The following ELFN1 variants were observed in gnomAD, a reference collection of about 807,000 sequenced individuals.
The protein encoded by ELFN1 is protein ELFN1.
Under a neutral mutation model 7.6 loss-of-function variants are expected in ELFN1, and 6 were observed. The observed-to-expected ratio is 0.79, with a 90% CI of 0.43 to 1.56. The LOEUF (loss-of-function observed/expected upper bound fraction) is 1.56. Ranked by LOEUF, ELFN1 falls within the 40% of genes most tolerant of loss-of-function variation. The pLI, the probability that ELFN1 is intolerant of heterozygous loss-of-function variation, is 0.01. For synonymous variants in ELFN1, 657 were observed against 588.1 expected (o/e 1.12, Z -1.70); for missense variants, 1,169 against 1,232.2 (o/e 0.95, Z 0.77).
At chr7:1,679,876 G>C (rs1204919258) in intron 1 of ELFN1, among the ~76,000 whole-genome samples, 2 of 152,204 alleles carry the variant, frequency 1.3e-5, no homozygotes, top group Non-Finnish European at 2.9e-5. Flanking sequence ...CCTTTGCCTT[G>C]TCCTGTCCAC....
At chr7:1,682,470 T>C (rs1462329187) in intron 1 of ELFN1, among the ~76,000 whole-genome samples, 1 of 152,174 alleles carries the variant, frequency 6.6e-6, no homozygotes, top group East Asian at 1.9e-4. Context: ...AGACAGGGTC[T>C]TACTCTGTTT....
At chr7:1,717,898 G>A (rs1244685976) in intron 3 of ELFN1, among the ~76,000 whole-genome samples, 1 of 152,266 alleles carries the variant, frequency 6.6e-6, no homozygotes, top group East Asian at 1.9e-4. Context: ...ATTGTGCCAG[G>A]CCCCCTCCCT....
chr7:1,693,218 C>T (rs1250233585), intron 2 of ELFN1: 2 of 402,972 alleles, frequency 5.0e-6, no homozygotes, highest in African/African-American at 2.0e-5. Context: ...TGGAGATGTT[C>T]ATGGCCGCGT....
rs935653302 is a variant in ELFN1, at chr7:1,745,004, C to T, written c.408C>T (p.Tyr136=). The change falls in exon 4 of 4, where the codon TAC becomes TAT. Residue 136 remains tyrosine, a synonymous_variant. Transcript: ENST00000424383. ...TGCGCGGCCTGGGCAAGCTGGAGTA[C>T]CTGTACCTGCAGGCCAACCTCATCG... is the stretch of plus-strand genomic sequence containing the variant. The part of the protein sequence containing the change: ...GMLRGLGKLE[Y]LYLQANLIEV... 1.3e-5 allele frequency: 20 copies of T among 1,551,012 alleles called. No homozygotes were observed. The African/African-American group carries it at 2.7e-4, about 21-fold the overall frequency.
intron 3 of ELFN1, among the ~76,000 whole-genome samples, chr7:1,736,686 C>T (rs1780457272): frequency 1.3e-5 from 2 of 152,178 alleles, no homozygotes; most frequent in East Asian, 1.9e-4. Context: ...AGGCGCCGCA[C>T]ACAATCCCAA....
At chr7:1,742,363 C>G (rs1780648966) in intron 3 of ELFN1, 1 of 152,318 alleles carries the variant, frequency 6.6e-6, no homozygotes, top group Non-Finnish European at 1.5e-5. Flanking sequence ...TGCCCTTGGC[C>G]CGCCCCCGGC....
intron 2 of ELFN1, among the ~76,000 whole-genome samples, chr7:1,690,973 C>A (rs1269110868): frequency 1.3e-5 from 2 of 152,100 alleles, no homozygotes; most frequent in Non-Finnish European, 2.9e-5. Context: ...CATACAGAGA[C>A]CTACAGGGAC....
chr7:1,692,620 A>G (rs1176208963), intron 2 of ELFN1, among the ~76,000 whole-genome samples: 1 of 152,260 alleles, frequency 6.6e-6, no homozygotes, highest in African/African-American at 2.4e-5. Flanking sequence ...CAGAGGCATA[A>G]ACAGGGCATA....
rs561896394 is a variant in ELFN1, at chr7:1,695,702, C to T, written c.-456+7552C>T. ...GGTGGAGGTTGCAGTGAGCCGAGAT[C>T]GCGCCACTGCACTGCAGCCTGGGTG... is the stretch of plus-strand genomic sequence containing the variant. On this transcript the variant is annotated intron_variant, in intron 2 of 3. Coordinates refer to ENST00000424383, the MANE Select transcript of ELFN1 (RefSeq NM_001128636.4). The surrounding 1 kb of genome is among the most constrained non-coding windows in gnomAD (Gnocchi z 5.1). Among the ~76,000 whole-genome samples the T allele has an allele frequency of 4.9e-5, 7 of 141,690 alleles. No individual in the cohort carries two copies. The highest frequency in any genetic ancestry group is 3.0e-4 in the Admixed American group (4 of 13,452). The allele number at this position is 141,690 out of a possible 152,430, so 93.0% of individuals were successfully genotyped here. A position where few individuals can be genotyped will look rare whatever the true frequency, so the allele number is the denominator to read the frequency against.
chr7:1,693,474 C>A (rs762360195), intron 2 of ELFN1: 1 of 471,054 alleles, frequency 2.1e-6, no homozygotes. Context: ...CAGACAGGTG[C>A]GTGCCGCAGG....
chr7:1,742,479 G>A (rs1425729255), intron 3 of ELFN1, among the ~76,000 whole-genome samples: 1 of 152,236 alleles, frequency 6.6e-6, no homozygotes, highest in East Asian at 1.9e-4. Flanking sequence ...GGTGGGGAGG[G>A]ATGGAGGGGC....
chr7:1,699,947 G>A lies in ELFN1; in HGVS notation c.-455-9144G>A, dbSNP rs924286810. ...ACTCCTGAGCTCAGGTGACCCGCCCGCCTCAGCCTCCCAAAGTGCTGGGAT... is the reference window on the plus strand; with the variant it reads ...ACTCCTGAGCTCAGGTGACCCGCCCACCTCAGCCTCCCAAAGTGCTGGGAT... On this transcript the variant is annotated intron_variant, in intron 2 of 3. Coordinates refer to ENST00000424383, the MANE Select transcript of ELFN1 (RefSeq NM_001128636.4). Among the ~76,000 whole-genome samples, 9 of 152,138 alleles carry A rather than the reference G, an allele frequency of 5.9e-5. No individual in the cohort carries two copies. The East Asian group carries it at 7.7e-4, about 13-fold the overall frequency.
chr7:1,736,795 C>T (rs966046103), intron 3 of ELFN1, among the ~76,000 whole-genome samples: 4 of 152,140 alleles, frequency 2.6e-5, no homozygotes, highest in African/African-American at 4.8e-5. Context: ...GGCTCTGGCC[C>T]GGATGCCTGG....
At chr7:1,737,251 C>T (rs1183080199) in intron 3 of ELFN1, among the ~76,000 whole-genome samples, 3 of 152,194 alleles carry the variant, frequency 2.0e-5, no homozygotes, top group African/African-American at 7.2e-5. Flanking sequence ...CCTCCTCTTT[C>T]CCTGCAGGCC....
At chr7:1,725,849 CA>C (rs140603866) in intron 3 of ELFN1, among the ~76,000 whole-genome samples, 1,780 of 152,184 alleles carry the variant, frequency 0.012, 37 homozygotes, top group African/African-American at 0.041. Context: ...AATACACACT[CA>C]AAATAACACA....
intron 3 of ELFN1, among the ~76,000 whole-genome samples, chr7:1,736,388 T>A (rs1780442360): frequency 6.6e-6 from 1 of 152,164 alleles, no homozygotes; most frequent in African/African-American, 2.4e-5. Flanking sequence ...TGGCCTCTTG[T>A]CTGGTTTAAA....
rs149152965 is a variant in ELFN1, at chr7:1,706,903, T to A, written c.-455-2188T>A. ...CATTGGATGCCTGGGCCTGGATGTG[T>A]CTGAGTGAGCCTTTGTGGAGAGCGA... On this transcript the variant is annotated intron_variant, in intron 2 of 3. Transcript: ENST00000424383. Among the ~76,000 whole-genome samples the A allele has an allele frequency of 2.7e-3, 414 of 152,342 alleles. 2 individuals carry two copies. Among genetic ancestry groups the A allele is most frequent in the African/African-American group, 9.5e-3 (395 of 41,582 alleles).
intron 3 of ELFN1, among the ~76,000 whole-genome samples, chr7:1,736,107 T>G (rs1167698506): frequency 6.6e-6 from 1 of 152,134 alleles, no homozygotes; most frequent in Non-Finnish European, 1.5e-5. Context: ...TGCCCTGATA[T>G]GCCTATCACA....
At chr7:1,686,036 C>T (rs1045672957) in intron 1 of ELFN1, among the ~76,000 whole-genome samples, 1 of 147,724 alleles carries the variant, frequency 6.8e-6, no homozygotes, top group South Asian at 2.1e-4. Context: ...CATCTGGGGA[C>T]ACTCAGTGAC....
Sources: allele counts gnomAD v4.1 joint callset (sites outside exome capture counted in the v4.1 genomes callset), GRCh38; gene constraint gnomAD v4.1.1; non-coding constraint Gnocchi (gnomAD v3.1); transcripts MANE v1.5; gene names NCBI Gene and HGNC (gene_info 2026-07-23, HGNC 2026-07-21).